CDH18: variants seen among roughly 807,000 people sequenced by gnomAD.
CDH18 encodes the protein cadherin-18.
A neutral mutation model predicts 67.9 loss-of-function variants in CDH18; 31 were observed. The ratio of observed to expected loss-of-function variants is 0.46; its 90% confidence interval spans 0.34 to 0.62. CDH18 has a LOEUF of 0.62. Ranked by LOEUF, CDH18 falls within the 20% of genes least tolerant of loss-of-function variation. The pLI is 0.01. For missense variants in CDH18, 890 were observed against 975.5 expected, an observed-to-expected ratio of 0.91 and a Z score of 1.17; for synonymous variants, 362 against 347.2, an observed-to-expected ratio of 1.04 and a Z score of -0.48.
chr5:20,475,607 C>T (rs951454421), intron 1 of CDH18, among the ~76,000 whole-genome samples: 2 of 151,870 alleles, frequency 1.3e-5, no homozygotes, highest in Non-Finnish European at 2.9e-5. Flanking sequence ...ATCATAAGTT[C>T]TAAAAGTTTT....
chr5:19,835,122 AAATGCCTATC>A (rs1781476541), intron 3 of CDH18, among the ~76,000 whole-genome samples: 1 of 152,200 alleles, frequency 6.6e-6, no homozygotes, highest in Non-Finnish European at 1.5e-5. Flanking sequence ...GAACCAACCC[AAATGCCTATC>A]AATAATAGAC....
At chr5:20,350,618 T>C (rs1192181275) in intron 1 of CDH18, among the ~76,000 whole-genome samples, 1 of 152,176 alleles carries the variant, frequency 6.6e-6, no homozygotes, top group East Asian at 1.9e-4. Context: ...TCTCATGCAT[T>C]GATGAGTTAA....
At chr5:19,571,862 T>C (rs1451267298) in intron 7 of CDH18, 30 bp from the exon 8 acceptor site, 2 of 1,559,282 alleles carry the variant, frequency 1.3e-6, no homozygotes. Flanking sequence ...GATTATGACT[T>C]TTATAAAAAA....
intron 1 of CDH18, among the ~76,000 whole-genome samples, chr5:20,321,947 A>T (rs1738072784): frequency 1.3e-5 from 2 of 152,116 alleles, no homozygotes; most frequent in Admixed American, 1.3e-4. Flanking sequence ...CTACTTTTTC[A>T]TATATTTATC....
chr5:19,799,525 T>G (rs1777225555), intron 3 of CDH18, among the ~76,000 whole-genome samples: 1 of 151,858 alleles, frequency 6.6e-6, no homozygotes. Context: ...GTAACTTGAT[T>G]GCTGTTGATT....
intron 2 of CDH18, among the ~76,000 whole-genome samples, chr5:20,218,648 G>T (rs2126433457): frequency 6.6e-6 from 1 of 152,000 alleles, no homozygotes; most frequent in African/African-American, 2.4e-5. Flanking sequence ...CCCTCATATT[G>T]TTCTCGTAGT....
chr5:19,735,552 C>T (rs13166672), intron 4 of CDH18, among the ~76,000 whole-genome samples: 135,956 of 151,958 alleles, frequency 0.89, 62,568 homozygotes, highest in East Asian at 1. Context: ...CCCACCACCA[C>T]GCCCGGCTAA....
intron 2 of CDH18, among the ~76,000 whole-genome samples, chr5:19,949,982 T>C (rs1226141224): frequency 6.6e-6 from 1 of 151,046 alleles, no homozygotes; most frequent in Non-Finnish European, 1.5e-5. Flanking sequence ...GATATATATA[T>C]ATATATTAAA....
At chr5:20,166,204 G>T (rs2126630349) in intron 2 of CDH18, among the ~76,000 whole-genome samples, 1 of 152,052 alleles carries the variant, frequency 6.6e-6, no homozygotes, top group South Asian at 2.1e-4. Flanking sequence ...ACTTTGTGAG[G>T]CCAAGGCTGG....
intron 4 of CDH18, among the ~76,000 whole-genome samples, chr5:19,725,894 TA>T (rs1330571657): frequency 6.6e-6 from 1 of 152,162 alleles, no homozygotes; most frequent in Non-Finnish European, 1.5e-5. Context: ...TAAGGACCAT[TA>T]AAAAACTAGG....
intron 1 of CDH18, among the ~76,000 whole-genome samples, chr5:20,390,499 A>G (rs1744749362): frequency 6.6e-6 from 1 of 152,288 alleles, no homozygotes; most frequent in East Asian, 1.9e-4. Context: ...CAGGTGCTGG[A>G]GAGGATGTGG....
At chr5:20,265,562 C>A (rs1467415784) in intron 1 of CDH18, among the ~76,000 whole-genome samples, 2 of 151,270 alleles carry the variant, frequency 1.3e-5, no homozygotes, top group Non-Finnish European at 2.9e-5. Context: ...GGACTTAGAC[C>A]AAGACTGAAG....
At chr5:19,722,140 G>A (rs1766181210) in intron 4 of CDH18, among the ~76,000 whole-genome samples, 1 of 152,010 alleles carries the variant, frequency 6.6e-6, no homozygotes, top group Non-Finnish European at 1.5e-5. Flanking sequence ...TGCAACTTCT[G>A]CCTCCCAGAT....
At chr5:20,535,767 T>A (rs988309553) in intron 1 of CDH18, among the ~76,000 whole-genome samples, 2 of 152,160 alleles carry the variant, frequency 1.3e-5, no homozygotes, top group African/African-American at 4.8e-5. Flanking sequence ...CTCACTCACA[T>A]GCAGTAGAGA....
chr5:19,947,921 A>G (rs140571246), intron 2 of CDH18, among the ~76,000 whole-genome samples: 5 of 152,312 alleles, frequency 3.3e-5, no homozygotes, highest in Admixed American at 3.3e-4. Context: ...AAACTCTCAA[A>G]TCTCACAGTA....
chr5:20,431,070 A>G (rs1436717202), intron 1 of CDH18, among the ~76,000 whole-genome samples: 2 of 152,172 alleles, frequency 1.3e-5, no homozygotes, highest in Non-Finnish European at 2.9e-5. Context: ...TCTATTTTAT[A>G]GTGAAATCTA....
intron 2 of CDH18, among the ~76,000 whole-genome samples, chr5:19,901,783 T>C (rs766780298): frequency 1.4e-4 from 21 of 151,928 alleles, no homozygotes; most frequent in Non-Finnish European, 2.2e-4. Flanking sequence ...GTGAAATAAA[T>C]AGTAACTCAC....
At position 20,573,806 on chromosome 5, in the gene CDH18, AATATATATAT is replaced by A. The variant is rs60858438; in HGVS notation, c.-580+1646_-580+1655del. 3.2e-3 allele frequency among the ~76,000 whole-genome samples: 382 copies of A among 119,106 alleles called. 1 individual carries two copies. The highest frequency in any genetic ancestry group is 8.9e-3 in the African/African-American group (318 of 35,654). The allele number at this position is 119,106 out of a possible 152,430, so 78.1% of individuals were successfully genotyped here. ...TCCCCCAAATATAATACTTAAAAGAAATATATATATATATATATATATATATATATATATA... is the reference window on the plus strand; with the variant it reads ...TCCCCCAAATATAATACTTAAAAGAAATATATATATATATATATATATATA... On this transcript the variant is annotated intron_variant, in intron 1 of 14. Transcript: ENST00000507958.
chr5:19,611,985 T>TGTGTGC (rs1491546802), intron 6 of CDH18, among the ~76,000 whole-genome samples: 106 of 150,900 alleles, frequency 7.0e-4, no homozygotes, highest in Non-Finnish European at 1.2e-3. Flanking sequence ...TGTGTGTGTG[T>TGTGTGC]GCATACATGC....
Sources: gnomAD v4.1 joint callset for allele counts (sites outside exome capture counted in the v4.1 genomes callset) on GRCh38, gnomAD v4.1.1 for gene constraint, MANE v1.5 for transcripts, NCBI Gene and HGNC (gene_info 2026-07-23, HGNC 2026-07-21) for gene names.